The following GSE1 variants were observed in gnomAD, a reference collection of about 807,000 sequenced individuals.
GSE1 encodes the protein Gse1 coiled-coil protein.
Under a neutral mutation model 112.6 loss-of-function variants are expected in GSE1, and 32 were observed. That is an observed-to-expected ratio of 0.28 (90% CI 0.21 to 0.38). GSE1 has a LOEUF of 0.38. Ranked by LOEUF, GSE1 falls within the 10% of genes least tolerant of loss-of-function variation. The pLI, the probability that GSE1 is intolerant of heterozygous loss-of-function variation, is 1.00. For missense variants in GSE1, 2,348 were observed against 1,699.2 expected (o/e 1.38, Z -6.71); for synonymous variants, 1,115 against 735.6 (o/e 1.52, Z -8.35).
chr16:85,448,293 C>T (rs910833129), intron 2 of GSE1, among the ~76,000 whole-genome samples: 9 of 152,182 alleles, frequency 5.9e-5, no homozygotes, highest in Non-Finnish European at 4.4e-5. Flanking sequence ...GGGATCTTTC[C>T]GGAAGCTCTC....
chr16:85,191,256 T>G (rs1485527923), intron 1 of GSE1, among the ~76,000 whole-genome samples: 1 of 152,156 alleles, frequency 6.6e-6, no homozygotes, highest in Non-Finnish European at 1.5e-5. Context: ...CCAGAATCCA[T>G]CTCAACAACA....
chr16:85,180,685 G>A (rs1001115679), intron 1 of GSE1, among the ~76,000 whole-genome samples: 4 of 152,154 alleles, frequency 2.6e-5, no homozygotes, highest in African/African-American at 9.7e-5. Flanking sequence ...AAGTGCCGGC[G>A]CCGGGATCCG....
In GSE1 at chr16:85,672,616, T is replaced by G; in HGVS notation, c.*77T>G. On this transcript the variant is annotated 3_prime_UTR_variant, in exon 16 of 16. Coordinates refer to ENST00000253458, the MANE Select transcript of GSE1 (RefSeq NM_014615.5). ...TATTACCTTGAATATTTAATATTTT[T>G]CACTGGGAGGTTTGAAGCTTACAAA... The G allele has an allele frequency of 9.6e-7, 1 of 1,039,728 alleles. No homozygotes were observed. The highest frequency in any genetic ancestry group is 1.3e-6 in the Non-Finnish European group (1 of 749,110). 64.4% of individuals were successfully genotyped at this position (1,039,728 alleles called of 1,614,324 possible). A position where few individuals can be genotyped will look rare whatever the true frequency, so the allele number is the denominator to read the frequency against.
chr16:85,331,233 A>G (rs536833382), intron 1 of GSE1, among the ~76,000 whole-genome samples: 3 of 148,264 alleles, frequency 2.0e-5, no homozygotes, highest in Non-Finnish European at 4.5e-5. Flanking sequence ...GCTCACTGCA[A>G]CCTCCACCTC....
intron 2 of GSE1, among the ~76,000 whole-genome samples, chr16:85,420,776 G>A (rs899660526): frequency 3.9e-5 from 6 of 152,170 alleles, no homozygotes; most frequent in African/African-American, 1.4e-4. Context: ...CTCTCGCCCT[G>A]GGTGGAGTGT....
chr16:85,645,563 C>T (rs1357086327), intron 2 of GSE1, among the ~76,000 whole-genome samples: 1 of 149,820 alleles, frequency 6.7e-6, no homozygotes, highest in Non-Finnish European at 1.5e-5. Context: ...CATCGGGATG[C>T]CTGTGGGGCC....
chr16:85,608,755 G>T (rs966026762), upstream of GSE1, among the ~76,000 whole-genome samples: 2 of 152,242 alleles, frequency 1.3e-5, no homozygotes, highest in East Asian at 3.9e-4. Context: ...GCGCTGAGCA[G>T]CGCTGGCTCT....
chr16:85,601,157 C>G (rs1270211009), intron 1 of GSE1, among the ~76,000 whole-genome samples: 7 of 151,724 alleles, frequency 4.6e-5, no homozygotes, highest in African/African-American at 1.2e-4. Flanking sequence ...TGGGGCTGGG[C>G]GAGTCTAGAG....
Position 85,634,088 on chromosome 16 carries a change from C to T in GSE1, c.182C>T (p.Ala61Val). 6.3e-7 allele frequency: 1 copy of T among 1,593,474 alleles called. No individual in the cohort carries two copies. Among genetic ancestry groups the T allele is most frequent in the East Asian group, 2.3e-5 (1 of 44,262 alleles). The change falls in exon 2 of 16, where the codon GCC (alanine) becomes GTC (valine). Residue 61 changes from alanine (A) to valine (V), a missense_variant. Coordinates refer to ENST00000253458, the MANE Select transcript of GSE1 (RefSeq NM_014615.5). Reference protein sequence around the residue: ...SAQAAPSSSFAAALRKLAKQA... With the variant: ...SAQAAPSSSFVAALRKLAKQA... ...CAGGCCGCGCCATCCTCCAGCTTTG[C>T]CGCCGCGCTGCGCAAGCTCGCCAAA...
At chr16:85,584,768 T>TG (rs1360878728) in intron 1 of GSE1, among the ~76,000 whole-genome samples, 2 of 152,244 alleles carry the variant, frequency 1.3e-5, no homozygotes, top group African/African-American at 4.8e-5. Context: ...TCTCGTGCAT[T>TG]GGCTTCCCTC....
At position 85,668,282 on chromosome 16, in the gene GSE1, C is replaced by T. The variant is rs772689702; in HGVS notation, c.3273C>T (p.Gly1091=). ...GQQEPPTARK[G]PPTQELDRDS... The stretch of plus-strand genomic sequence containing the variant: ...AGGAGCCCCCCACTGCAAGGAAGGG[C>T]CCCCCAACCCAGGAGTTGGACCGGG... The change falls in exon 14 of 16, where the codon GGC becomes GGT. Residue 1091 remains glycine (G), a synonymous_variant. Coordinates refer to ENST00000253458, the MANE Select transcript of GSE1 (RefSeq NM_014615.5). 6 of 1,611,308 alleles carry T rather than the reference C, an allele frequency of 3.7e-6. No individual in the cohort carries two copies. The African/African-American group carries it at 5.3e-5, about 14-fold the overall frequency.
At chr16:85,578,170 CT>C (rs753873174) in intron 1 of GSE1, among the ~76,000 whole-genome samples, 1 of 152,262 alleles carries the variant, frequency 6.6e-6, no homozygotes, top group South Asian at 2.1e-4. Context: ...CCAGGACCCC[CT>C]GAGCCGCCCC....
intron 2 of GSE1, among the ~76,000 whole-genome samples, chr16:85,446,568 G>T (rs66727277): frequency 1.3e-5 from 2 of 152,040 alleles, no homozygotes; most frequent in African/African-American, 4.8e-5. Context: ...GTGGAAGGAC[G>T]GCAGCAGGAG....
At chr16:85,651,564 T>C (rs1317514922) in intron 3 of GSE1, among the ~76,000 whole-genome samples, 2 of 152,144 alleles carry the variant, frequency 1.3e-5, no homozygotes, top group Non-Finnish European at 2.9e-5. Flanking sequence ...GCTGGGGCCC[T>C]GTGCTTTGCC....
chr16:85,351,081 G>C (rs1313578687), intron 1 of GSE1, among the ~76,000 whole-genome samples: 1 of 152,192 alleles, frequency 6.6e-6, no homozygotes. Context: ...ACCAAGGCCT[G>C]GAGGGGTGAA....
At chr16:85,318,566 C>T (rs888870807) in intron 1 of GSE1, among the ~76,000 whole-genome samples, 2 of 152,210 alleles carry the variant, frequency 1.3e-5, no homozygotes, top group African/African-American at 2.4e-5. Flanking sequence ...TGCCCAGCCT[C>T]CTCATCCATA....
At chr16:85,344,534 G>A (rs1205665765) in intron 1 of GSE1, among the ~76,000 whole-genome samples, 1 of 152,234 alleles carries the variant, frequency 6.6e-6, no homozygotes, top group East Asian at 1.9e-4. Context: ...CCAGGAGCAT[G>A]TGTGAAGCGC....
intron 2 of GSE1, among the ~76,000 whole-genome samples, chr16:85,498,044 T>TG (rs2051239770): frequency 7.1e-6 from 1 of 140,502 alleles, no homozygotes; most frequent in Non-Finnish European, 1.6e-5. Context: ...CACACCTCAG[T>TG]GGGGTGGGGG....
chr16:85,403,744 G>C (rs2048174466), intron 2 of GSE1, among the ~76,000 whole-genome samples: 1 of 152,190 alleles, frequency 6.6e-6, no homozygotes, highest in Non-Finnish European at 1.5e-5. Flanking sequence ...TGAGGCTGCA[G>C]TGAGCTGTGA....
Sources: gnomAD v4.1 joint callset for allele counts (sites outside exome capture counted in the v4.1 genomes callset) on GRCh38, gnomAD v4.1.1 for gene constraint, MANE v1.5 for transcripts, NCBI Gene and HGNC (gene_info 2026-07-23, HGNC 2026-07-21) for gene names.